The following GAB2 variants were observed in gnomAD, a reference collection of about 807,000 sequenced individuals.
The protein encoded by GAB2 is GRB2 associated binding protein 2.
Under a neutral mutation model 65.5 loss-of-function variants are expected in GAB2, and 26 were observed. That is an observed-to-expected ratio of 0.40 (90% confidence interval 0.29 to 0.55). The LOEUF is 0.55. Among genes scored for constraint, GAB2 ranks in the 20% least tolerant of loss-of-function variants. The pLI is 0.53. For synonymous variants in GAB2, 321 were observed against 329.6 expected (o/e 0.97, Z 0.28); for missense variants, 884 against 875.8 (o/e 1.01, Z -0.12).
intron 3 of GAB2, among the ~76,000 whole-genome samples, chr11:78,246,228 G>A (rs576178173): frequency 4.6e-5 from 7 of 152,038 alleles, no homozygotes; most frequent in Non-Finnish European, 8.8e-5. Context: ...CACAGTGTCC[G>A]GTGGCAGAGG....
intron 3 of GAB2, among the ~76,000 whole-genome samples, chr11:78,245,760 A>T (rs1364819676): frequency 6.6e-6 from 1 of 152,172 alleles, no homozygotes; most frequent in Non-Finnish European, 1.5e-5. Flanking sequence ...TGAAAATTCA[A>T]GTTTCCTTCT....
intron 2 of GAB2, among the ~76,000 whole-genome samples, chr11:78,275,268 G>A (rs1018772200): frequency 6.6e-6 from 1 of 152,048 alleles, no homozygotes; most frequent in Non-Finnish European, 1.5e-5. Context: ...AAGATTTTTA[G>A]CCCCGGGGAG....
chr11:78,342,404 CTTT>C (rs143105179), intron 1 of GAB2, among the ~76,000 whole-genome samples: 346 of 109,826 alleles, frequency 3.2e-3, no homozygotes, highest in Middle Eastern at 6.8e-3. Flanking sequence ...ACACTTTGCA[CTTT>C]TTTTTTTTTT....
At chr11:78,407,709 ATTTTCC>A (rs367985385) in intron 1 of GAB2, among the ~76,000 whole-genome samples, 11 of 111,662 alleles carry the variant, frequency 9.9e-5, no homozygotes, top group Non-Finnish European at 1.1e-4. Context: ...AAGAGATGGC[ATTTTCC>A]GTCCCAAAAA....
At chr11:78,240,992 C>T (rs956476807) in intron 3 of GAB2, among the ~76,000 whole-genome samples, 1 of 152,218 alleles carries the variant, frequency 6.6e-6, no homozygotes, top group African/African-American at 2.4e-5. Context: ...GTACCTAGAA[C>T]CCAGCACTGC....
At chr11:78,411,779 C>T (rs1857132314) in intron 1 of GAB2, among the ~76,000 whole-genome samples, 1 of 151,630 alleles carries the variant, frequency 6.6e-6, no homozygotes, top group South Asian at 2.1e-4. Flanking sequence ...CGCCTGTAAT[C>T]CCAGCACTTT....
chr11:78,368,712 A>G (rs936062856), intron 1 of GAB2, among the ~76,000 whole-genome samples: 3 of 152,110 alleles, frequency 2.0e-5, no homozygotes, highest in African/African-American at 7.2e-5. Context: ...ACTGAAAAAA[A>G]AAAGACAAGA....
rs117854490 is a variant in GAB2, at chr11:78,262,547, T to G, written c.377-12147A>C. Among the ~76,000 whole-genome samples the G allele has an allele frequency of 1.8e-3, 273 of 152,276 alleles. 5 individuals are homozygous for G. In the East Asian group the frequency reaches 0.046, roughly 26 times the overall value. On this transcript the variant is annotated intron_variant, in intron 2 of 9. Coordinates refer to ENST00000361507, the MANE Select transcript of GAB2 (RefSeq NM_080491.3). ...AAAATGGGGTCAGCTGCCCTTCATG[T>G]GCTGAGTAGAGGACTTCAGCTACAG...
chr11:78,336,362 ACACAACAAG>A, intron 1 of GAB2, among the ~76,000 whole-genome samples: 1 of 119,544 alleles, frequency 8.4e-6, no homozygotes, highest in Admixed American at 9.2e-5. Flanking sequence ...AAAAAAAAAA[ACACAACAAG>A]AATTATTTCC....
At chr11:78,313,521 G>A (rs974518284) in intron 1 of GAB2, among the ~76,000 whole-genome samples, 2 of 152,086 alleles carry the variant, frequency 1.3e-5, no homozygotes, top group Non-Finnish European at 2.9e-5. Flanking sequence ...CCCACCTCAG[G>A]ATCACCAGGG....
intron 1 of GAB2, among the ~76,000 whole-genome samples, chr11:78,381,745 CA>C (rs1443440733): frequency 9.2e-5 from 14 of 151,922 alleles, no homozygotes; most frequent in Admixed American, 9.2e-4. Flanking sequence ...TTTATCATTT[CA>C]GAGCCTCCAA....
intron 3 of GAB2, among the ~76,000 whole-genome samples, chr11:78,238,484 TAAA>T (rs778094254): frequency 1.5e-5 from 2 of 132,594 alleles, no homozygotes; most frequent in Non-Finnish European, 1.6e-5. Flanking sequence ...CCCTGTCTCT[TAAA>T]AAAAAAAAAA....
intron 2 of GAB2, among the ~76,000 whole-genome samples, chr11:78,271,358 C>T (rs1866004820): frequency 6.6e-6 from 1 of 152,216 alleles, no homozygotes; most frequent in African/African-American, 2.4e-5. Context: ...AAATAAATCC[C>T]ACATATATGA....
chr11:78,368,382 G>T (rs1182288681), intron 1 of GAB2, among the ~76,000 whole-genome samples: 1 of 152,170 alleles, frequency 6.6e-6, no homozygotes, highest in Non-Finnish European at 1.5e-5. Context: ...TCTGTCACCT[G>T]AAATTCTCAA....
chr11:78,287,756 C>A (rs1866526343), intron 1 of GAB2, among the ~76,000 whole-genome samples: 1 of 149,932 alleles, frequency 6.7e-6, no homozygotes, highest in African/African-American at 2.5e-5. Flanking sequence ...TCAAGTGATT[C>A]TTGTGCCTCA....
At chr11:78,275,280 T>C (rs1866135092) in intron 2 of GAB2, among the ~76,000 whole-genome samples, 1 of 151,994 alleles carries the variant, frequency 6.6e-6, no homozygotes, top group Admixed American at 6.6e-5. Context: ...CCCGGGGAGT[T>C]ATAAAAGTGC....
chr11:78,408,900 G>GT (rs1216840616), intron 1 of GAB2, among the ~76,000 whole-genome samples: 2 of 152,130 alleles, frequency 1.3e-5, no homozygotes, highest in African/African-American at 4.8e-5. Flanking sequence ...CATGCTTCCT[G>GT]TACAGCTTGT....
intron 1 of GAB2, among the ~76,000 whole-genome samples, chr11:78,309,032 A>G (rs1236288299): frequency 1.3e-5 from 2 of 152,208 alleles, no homozygotes; most frequent in East Asian, 3.8e-4. Context: ...GGAGAGCCTG[A>G]GTAATGTCAC....
At chr11:78,413,031 G>A (rs1857149102) in intron 1 of GAB2, among the ~76,000 whole-genome samples, 1 of 152,238 alleles carries the variant, frequency 6.6e-6, no homozygotes, top group Non-Finnish European at 1.5e-5. Context: ...ATCTGAGCAA[G>A]TAGGTGCTTA....
Sources: gnomAD v4.1 joint callset for allele counts (sites outside exome capture counted in the v4.1 genomes callset) on GRCh38, gnomAD v4.1.1 for gene constraint, MANE v1.5 for transcripts, NCBI Gene and HGNC (gene_info 2026-07-23, HGNC 2026-07-21) for gene names.